PDE1C: variants seen among roughly 807,000 people sequenced by gnomAD.
The protein encoded by PDE1C is phosphodiesterase 1C.
A neutral mutation model predicts 93.1 loss-of-function variants in PDE1C; 62 were observed. The observed-to-expected ratio is 0.67, with a 90% CI of 0.54 to 0.82. PDE1C has a LOEUF of 0.82. Among genes scored for constraint, PDE1C ranks in the 40% least tolerant of loss-of-function variants. The probability of loss-of-function intolerance (pLI) is 0.00; values close to 1 mark genes in which losing one functional copy is unlikely to be tolerated. For missense variants in PDE1C, 742 were observed against 884.6 expected (o/e 0.84, Z 2.04); for synonymous variants, 325 against 310.1 (o/e 1.05, Z -0.50).
At chr7:31,672,854 A>G in the PDE1C span, among the ~76,000 whole-genome samples, 254 of 152,252 alleles carry the variant, frequency 1.7e-3, no homozygotes, top group African/African-American at 5.9e-3. Flanking sequence ...CGATGGAGAG[A>G]CCTGGTGGGA....
chr7:32,208,718 C>A (rs906125973), intron 2 of PDE1C, among the ~76,000 whole-genome samples: 1 of 150,030 alleles, frequency 6.7e-6, no homozygotes, highest in Admixed American at 6.6e-5. Context: ...ATTTTCCCCC[C>A]CCTTCTTTGG....
At chr7:31,858,444 T>C (rs1366746929) in intron 7 of PDE1C, among the ~76,000 whole-genome samples, 1 of 152,140 alleles carries the variant, frequency 6.6e-6, no homozygotes, top group East Asian at 1.9e-4. Flanking sequence ...ATTCTTTAAC[T>C]TACTGTTACG....
intron 2 of PDE1C, among the ~76,000 whole-genome samples, chr7:31,886,530 G>T: frequency 6.6e-6 from 1 of 152,188 alleles, no homozygotes; most frequent in East Asian, 1.9e-4. Context: ...CCTTCTCTCA[G>T]GTAGGGAAGA....
chr7:32,317,630 C>G (rs952187331), intron 1 of PDE1C, among the ~76,000 whole-genome samples: 7 of 151,810 alleles, frequency 4.6e-5, no homozygotes, highest in Non-Finnish European at 1.0e-4. Context: ...CATAACCATA[C>G]TCATGTCATT....
At chr7:32,225,446 A>G (rs2128857729) in intron 1 of PDE1C, among the ~76,000 whole-genome samples, 1 of 152,276 alleles carries the variant, frequency 6.6e-6, no homozygotes, top group South Asian at 2.1e-4. Flanking sequence ...CTGTTTCACA[A>G]GGCTTTCTGC....
At chr7:31,875,469 G>A (rs551209368) in intron 5 of PDE1C, among the ~76,000 whole-genome samples, 1 of 152,152 alleles carries the variant, frequency 6.6e-6, no homozygotes, top group East Asian at 1.9e-4. Context: ...CTCCAGTGGG[G>A]ACTCCAGAGA....
chr7:32,050,891 T>C (rs1369274823), intron 2 of PDE1C, among the ~76,000 whole-genome samples: 7 of 152,074 alleles, frequency 4.6e-5, no homozygotes, highest in African/African-American at 2.4e-5. Flanking sequence ...AAAAACCTGG[T>C]GAGTTATTTT....
At chr7:31,737,133 T>A in the PDE1C span, among the ~76,000 whole-genome samples, 1 of 151,812 alleles carries the variant, frequency 6.6e-6, no homozygotes, top group Non-Finnish European at 1.5e-5. Flanking sequence ...TTTTATTACT[T>A]TTTTATTTTT....
intron 2 of PDE1C, among the ~76,000 whole-genome samples, chr7:32,177,555 C>A (rs925775899): frequency 1.3e-5 from 2 of 152,132 alleles, no homozygotes; most frequent in African/African-American, 4.8e-5. Context: ...CACCCCCAAC[C>A]ACCGCCCTTA....
At chr7:31,989,304 T>A (rs1783862833) in intron 2 of PDE1C, among the ~76,000 whole-genome samples, 1 of 152,124 alleles carries the variant, frequency 6.6e-6, no homozygotes, top group Admixed American at 6.5e-5. Flanking sequence ...CTGTATCTCC[T>A]CCCAGCCCAG....
At chr7:31,843,555 T>C (rs1792180119) in intron 9 of PDE1C, among the ~76,000 whole-genome samples, 1 of 151,868 alleles carries the variant, frequency 6.6e-6, no homozygotes, top group Admixed American at 6.6e-5. Flanking sequence ...TACTTTTACT[T>C]TGAACCTTTT....
intron 2 of PDE1C, among the ~76,000 whole-genome samples, chr7:32,194,131 G>T (rs775491368): frequency 1.3e-5 from 2 of 152,068 alleles, no homozygotes; most frequent in Non-Finnish European, 2.9e-5. Context: ...CGCCAGGATG[G>T]TCTCAATCTC....
intron 2 of PDE1C, among the ~76,000 whole-genome samples, chr7:31,914,595 T>C (rs978434442): frequency 5.3e-5 from 8 of 152,214 alleles, no homozygotes; most frequent in African/African-American, 1.9e-4. Context: ...GGTAAATTGA[T>C]TCCTTTTTTC....
chr7:32,029,573 G>A (rs1654206735), intron 2 of PDE1C, among the ~76,000 whole-genome samples: 1 of 152,156 alleles, frequency 6.6e-6, no homozygotes, highest in Non-Finnish European at 1.5e-5. Context: ...GTAGTGAGGG[G>A]TGGGAGGAGA....
intron 3 of PDE1C, among the ~76,000 whole-genome samples, chr7:32,158,907 C>G (rs1006988089): frequency 6.6e-6 from 1 of 152,214 alleles, no homozygotes; most frequent in African/African-American, 2.4e-5. Flanking sequence ...TGGTTCCAAA[C>G]TTTACCTGCC....
chr7:31,894,518 C>T (rs1011692066), intron 2 of PDE1C, among the ~76,000 whole-genome samples: 1 of 152,208 alleles, frequency 6.6e-6, no homozygotes, highest in African/African-American at 2.4e-5. Flanking sequence ...TGCACCAAGC[C>T]ATGTCTGTGT....
At chr7:31,730,408 C>G in the PDE1C span, among the ~76,000 whole-genome samples, 11 of 152,188 alleles carry the variant, frequency 7.2e-5, no homozygotes, top group African/African-American at 2.7e-4. Context: ...GCCACTCGTG[C>G]TCTGCAGTGT....
chr7:32,128,490 T>G (rs902993430), intron 3 of PDE1C, among the ~76,000 whole-genome samples: 1 of 151,936 alleles, frequency 6.6e-6, no homozygotes, highest in Non-Finnish European at 1.5e-5. Context: ...AAATATATAT[T>G]GTTAAGAAAC....
At chr7:32,101,512 A>G (rs1798034979) in intron 3 of PDE1C, among the ~76,000 whole-genome samples, 1 of 152,076 alleles carries the variant, frequency 6.6e-6, no homozygotes, top group African/African-American at 2.4e-5. Flanking sequence ...CATGGTAATG[A>G]GTGAGTTCTC....
Sources: allele counts gnomAD v4.1 joint callset (sites outside exome capture counted in the v4.1 genomes callset), GRCh38; gene constraint gnomAD v4.1.1; transcripts MANE v1.5; gene names NCBI Gene and HGNC (gene_info 2026-07-23, HGNC 2026-07-21).